Variants in PAM observed in about 807,000 individuals in gnomAD.
PAM encodes peptidylglycine alpha-amidating monooxygenase.
Under a neutral mutation model 122.1 loss-of-function variants are expected in PAM, and 72 were observed. The ratio of observed to expected loss-of-function variants is 0.59; its 90% CI spans 0.49 to 0.72. The LOEUF is 0.72. Among genes scored for constraint, PAM ranks in the 30% least tolerant of loss-of-function variants. PAM has a pLI of 0.00. For synonymous variants in PAM, 389 were observed against 404.4 expected (o/e 0.96, Z 0.46); for missense variants, 1,106 against 1,183.7 (o/e 0.93, Z 0.96).
chr5:102,932,685 T>C (rs1279741647), intron 7 of PAM, among the ~76,000 whole-genome samples: 2 of 150,798 alleles, frequency 1.3e-5, no homozygotes, highest in Admixed American at 6.6e-5. Context: ...AAATAGAGTA[T>C]ATTACGTGTC....
chr5:102,803,678 G>T (rs1468138856), intron 1 of PAM, among the ~76,000 whole-genome samples: 1 of 152,022 alleles, frequency 6.6e-6, no homozygotes, highest in East Asian at 1.9e-4. Context: ...CTACCACACT[G>T]GGTTCTTTAA....
intron 14 of PAM, among the ~76,000 whole-genome samples, chr5:102,965,628 C>A (rs1266304489): frequency 6.6e-6 from 1 of 152,006 alleles, no homozygotes; most frequent in Non-Finnish European, 1.5e-5. Flanking sequence ...ATTCAGTTTG[C>A]TCCAAAATCT....
intron 18 of PAM, among the ~76,000 whole-genome samples, chr5:103,006,483 T>C (rs1779012841): frequency 6.6e-6 from 1 of 152,182 alleles, no homozygotes; most frequent in Admixed American, 6.5e-5. Context: ...TGCATTGTAG[T>C]ATTATCTAAG....
Position 102,841,406 on chromosome 5 carries a change from T to TACACACACACACACACAC in PAM, c.-373-24395_-373-24378dup, listed in dbSNP as rs35825092. Among the ~76,000 whole-genome samples the TACACACACACACACACAC allele has an allele frequency of 6.1e-4, 84 of 138,534 alleles. No homozygotes were observed. The East Asian group carries it at 0.014, about 23-fold the overall frequency. The allele number at this position is 138,534 out of a possible 152,430, so 90.9% of individuals were successfully genotyped here. ...CTGTTCATTCTCAAACACCTACAAA[T>TACACACACACACACACAC]ACACACACACACACACACACACACA... On this transcript the variant is annotated intron_variant, in intron 1 of 25. Transcript: ENST00000438793.
chr5:102,908,720 TA>T (rs1457650246), intron 4 of PAM, among the ~76,000 whole-genome samples: 1 of 146,846 alleles, frequency 6.8e-6, no homozygotes, highest in Non-Finnish European at 1.5e-5. Context: ...AGTATAATAA[TA>T]AAAGAAAAAA....
At chr5:102,975,009 A>G (rs1767147439) in intron 15 of PAM, among the ~76,000 whole-genome samples, 3 of 152,208 alleles carry the variant, frequency 2.0e-5, no homozygotes, top group Admixed American at 2.0e-4. Flanking sequence ...TACTAAGTCA[A>G]TAACTATCAG....
At chr5:102,769,585 C>T (rs1480775842) in intron 1 of PAM, among the ~76,000 whole-genome samples, 1 of 152,042 alleles carries the variant, frequency 6.6e-6, no homozygotes, top group East Asian at 1.9e-4. Context: ...ATCCAGTTTT[C>T]CCAGCACCAT....
intron 3 of PAM, among the ~76,000 whole-genome samples, chr5:102,879,571 C>A (rs965212231): frequency 1.3e-5 from 2 of 152,094 alleles, no homozygotes; most frequent in African/African-American, 4.8e-5. Context: ...GTACCTCCCC[C>A]TTTGCTGTAT....
At chr5:102,949,040 G>GGTCT (rs1206053041) in intron 9 of PAM, among the ~76,000 whole-genome samples, 1 of 151,870 alleles carries the variant, frequency 6.6e-6, no homozygotes, top group Non-Finnish European at 1.5e-5. Context: ...TGACCAGTAT[G>GGTCT]GTCTCTTTGT....
chr5:102,832,348 A>G (rs1334332361), intron 1 of PAM, among the ~76,000 whole-genome samples: 2 of 152,016 alleles, frequency 1.3e-5, no homozygotes, highest in Non-Finnish European at 2.9e-5. Context: ...CTCCCAGTTA[A>G]TATCCCCATT....
chr5:102,806,184 C>T lies in PAM; in HGVS notation c.-374+50836C>T, dbSNP rs531715834. Among the ~76,000 whole-genome samples, 3 of 152,264 alleles carry T rather than the reference C, an allele frequency of 2.0e-5. No homozygotes were observed. In the South Asian group the frequency reaches 6.2e-4, roughly 32 times the overall value. ...AGATAACCTTTATTTGCTTTTTCCA[C>T]CCTAATTCTGTTTAGACAGGTGGGT... On this transcript the variant is annotated intron_variant, in intron 1 of 25. Coordinates refer to ENST00000438793, the MANE Select transcript of PAM (RefSeq NM_001177306.2).
intron 1 of PAM, among the ~76,000 whole-genome samples, chr5:102,778,352 G>C (rs574941203): frequency 6.6e-6 from 1 of 152,038 alleles, no homozygotes; most frequent in Non-Finnish European, 1.5e-5. Flanking sequence ...ATTGCCCAGA[G>C]CATTCTATAT....
intron 5 of PAM, among the ~76,000 whole-genome samples, chr5:102,921,785 C>A (rs971389527): frequency 2.0e-5 from 3 of 152,104 alleles, no homozygotes; most frequent in Non-Finnish European, 1.5e-5. Flanking sequence ...CAAAGCTTAT[C>A]TCCACATAAT....
intron 1 of PAM, among the ~76,000 whole-genome samples, chr5:102,861,721 G>T (rs1784244510): frequency 6.6e-6 from 1 of 152,152 alleles, no homozygotes; most frequent in Non-Finnish European, 1.5e-5. Flanking sequence ...TTGTTTTTAG[G>T]AAGTTATACT....
rs763082368 is a variant in PAM, at chr5:103,006,927, G to A, written c.1930G>A (p.Ala644Thr). The change falls in exon 19 of 26, where the codon GCC becomes ACC. Residue 644 changes from alanine (A) to threonine (T), a missense_variant. By Grantham distance (58) the Ala-to-Thr change is moderately conservative (BLOSUM62 0). Coordinates refer to ENST00000438793, the MANE Select transcript of PAM (RefSeq NM_001177306.2). ...TGTGGCTGTGGATCCAGGCACTGGAGCCATTTATGTATCAGATGGTTACTG... is the reference window on the plus strand; with the variant it reads ...TGTGGCTGTGGATCCAGGCACTGGAACCATTTATGTATCAGATGGTTACTG... ...TDVAVDPGTG[A>T]IYVSDGYCNS... The A allele has an allele frequency of 6.2e-7, 1 of 1,613,450 alleles. No homozygotes were observed. The highest frequency in any genetic ancestry group is 8.5e-7 in the Non-Finnish European group (1 of 1,179,406).
At chr5:102,828,913 T>A in intron 1 of PAM, among the ~76,000 whole-genome samples, 1 of 137,930 alleles carries the variant, frequency 7.3e-6, no homozygotes, top group Non-Finnish European at 1.5e-5. Context: ...AATTCCTACC[T>A]CAGGGTTTTT....
intron 7 of PAM, among the ~76,000 whole-genome samples, chr5:102,932,650 TAA>T (rs1018209048): frequency 5.8e-4 from 87 of 148,802 alleles, no homozygotes; most frequent in African/African-American, 2.0e-3. Flanking sequence ...AATAAATAAA[TAA>T]ATATATATAT....
Position 102,784,989 on chromosome 5 carries a change from C to T in PAM, c.-374+29641C>T, listed in dbSNP as rs9327873. Among the ~76,000 whole-genome samples the T allele has an allele frequency of 5.9e-3, 902 of 152,244 alleles. 4 individuals carry two copies. Among genetic ancestry groups the T allele is most frequent in the African/African-American group, 0.021 (869 of 41,542 alleles). On this transcript the variant is annotated intron_variant, in intron 1 of 25. Transcript: ENST00000438793. Reference sequence around the variant, plus strand: ...TTAAAAACAACAAAAAAGCAATGCCCGCATATAATTGGTTTAGGATTCAGC... The same window carrying T: ...TTAAAAACAACAAAAAAGCAATGCCTGCATATAATTGGTTTAGGATTCAGC...
intron 13 of PAM, 77 bp downstream of exon 13, chr5:102,960,136 T>C: frequency 2.6e-6 from 2 of 784,138 alleles, no homozygotes; most frequent in Non-Finnish European, 4.0e-6. Flanking sequence ...TTTGATGATA[T>C]TTAAAATCAT....
Sources: gnomAD v4.1 joint callset for allele counts (sites outside exome capture counted in the v4.1 genomes callset) on GRCh38, gnomAD v4.1.1 for gene constraint, MANE v1.5 for transcripts, NCBI Gene and HGNC (gene_info 2026-07-23, HGNC 2026-07-21) for gene names.